The following ANK3 variants were observed in gnomAD, a reference collection of about 807,000 sequenced individuals.
The protein encoded by ANK3 is ankyrin-3.
In ANK3, 57 loss-of-function variants were observed where a neutral mutation model predicts 370.9. The observed-to-expected ratio is 0.15, with a 90% CI of 0.12 to 0.19. ANK3 has a LOEUF of 0.19. ANK3 is among the 10% of genes least tolerant of loss of function. The probability of loss-of-function intolerance (pLI) is 1.00; values close to 1 mark genes in which losing one functional copy is unlikely to be tolerated. For missense variants in ANK3, 4,439 were observed against 5,302.1 expected (o/e 0.84, Z 5.06); for synonymous variants, 1,929 against 1,946.3 (o/e 0.99, Z 0.23).
intron 1 of ANK3, among the ~76,000 whole-genome samples, chr10:60,711,426 T>C (rs565480525): frequency 4.0e-5 from 6 of 151,642 alleles, no homozygotes; most frequent in Non-Finnish European, 5.9e-5. Flanking sequence ...CTGTAACAGA[T>C]ATGAAGAATG....
At chr10:60,713,498 CA>C (rs1441704771) in intron 1 of ANK3, among the ~76,000 whole-genome samples, 1 of 151,912 alleles carries the variant, frequency 6.6e-6, no homozygotes, top group East Asian at 1.9e-4. Context: ...AGAAATATAT[CA>C]GAAAAAAGAC....
chr10:60,404,418 G>T (rs2063412745), intron 2 of ANK3, among the ~76,000 whole-genome samples: 1 of 152,074 alleles, frequency 6.6e-6, no homozygotes, highest in South Asian at 2.1e-4. Flanking sequence ...CAATGCAAGG[G>T]AAACAGACTT....
chr10:60,068,070 G>T, intron 37 of ANK3, 61 bp from the exon 38 acceptor site: 1 of 1,485,556 alleles, frequency 6.7e-7, no homozygotes, highest in South Asian at 1.2e-5. Flanking sequence ...CTGGAAAATT[G>T]CTTTTAGCAG....
chr10:60,724,756 T>C (rs1214134419), intron 1 of ANK3, among the ~76,000 whole-genome samples: 1 of 152,226 alleles, frequency 6.6e-6, no homozygotes, highest in Non-Finnish European at 1.5e-5. Context: ...CTTGAAACTT[T>C]AGAAAACCAA....
chr10:60,209,109 T>C (rs541216727), intron 9 of ANK3, among the ~76,000 whole-genome samples: 10 of 152,326 alleles, frequency 6.6e-5, no homozygotes, highest in South Asian at 4.1e-4. Flanking sequence ...TATGAAGATG[T>C]CAGTCCTTTC....
At chr10:60,045,977 C>T (rs1192143433) in intron 42 of ANK3, among the ~76,000 whole-genome samples, 5 of 150,908 alleles carry the variant, frequency 3.3e-5, no homozygotes, top group Admixed American at 1.3e-4. Flanking sequence ...GTGCATAGTT[C>T]ATGACAATGG....
intron 1 of ANK3, among the ~76,000 whole-genome samples, chr10:60,696,226 C>T (rs958472460): frequency 6.7e-5 from 10 of 150,146 alleles, no homozygotes; most frequent in African/African-American, 2.5e-4. Flanking sequence ...TCTGAATAGA[C>T]CAATAACGGG....
chr10:60,500,472 A>T (rs746832142), intron 2 of ANK3, among the ~76,000 whole-genome samples: 9 of 152,224 alleles, frequency 5.9e-5, no homozygotes, highest in African/African-American at 2.2e-4. Flanking sequence ...GCACAAAAAG[A>T]GGTGGGTGGA....
chr10:60,082,065 C>T, intron 35 of ANK3, 85 bp downstream of exon 35: 1 of 1,032,752 alleles, frequency 9.7e-7, no homozygotes, highest in Non-Finnish European at 1.4e-6. Flanking sequence ...ATGTTTCCCA[C>T]ACTTTAGCCC....
chr10:60,672,416 G>T (rs1307743781), intron 1 of ANK3, among the ~76,000 whole-genome samples: 1 of 152,152 alleles, frequency 6.6e-6, no homozygotes, highest in Non-Finnish European at 1.5e-5. Flanking sequence ...AGAGGCAATG[G>T]GCTGGAGATT....
intron 38 of ANK3, among the ~76,000 whole-genome samples, chr10:60,065,974 A>T (rs2081565093): frequency 6.6e-6 from 1 of 152,014 alleles, no homozygotes; most frequent in Admixed American, 6.5e-5. Context: ...CATTGTATGT[A>T]TAACATTATA....
chr10:60,670,638 G>A, intron 1 of ANK3, among the ~76,000 whole-genome samples: 1 of 152,054 alleles, frequency 6.6e-6, no homozygotes, highest in East Asian at 1.9e-4. Flanking sequence ...TTTAACCCCT[G>A]GAGTGGCTTC....
chr10:60,333,965 G>T (rs2052125269), intron 1 of ANK3, among the ~76,000 whole-genome samples: 1 of 152,056 alleles, frequency 6.6e-6, no homozygotes, highest in Non-Finnish European at 1.5e-5. Flanking sequence ...ACTTCCATCA[G>T]TTGTCCACTA....
intron 1 of ANK3, among the ~76,000 whole-genome samples, chr10:60,617,947 A>T (rs2078286511): frequency 6.6e-6 from 1 of 152,210 alleles, no homozygotes; most frequent in Admixed American, 6.5e-5. Context: ...TGATTAAAAG[A>T]GCAAAGCTTC....
At chr10:60,081,543 A>C (rs569657600) in intron 35 of ANK3, 1 of 439,934 alleles carries the variant, frequency 2.3e-6, no homozygotes, top group Non-Finnish European at 4.5e-6. Context: ...GGTCAAGATA[A>C]ATTTCTTTAG....
rs2077203372 is a variant in ANK3 at position 60,556,222 on chromosome 10, A to G, written c.96+58964T>C. Among the ~76,000 whole-genome samples, 5 of 152,220 alleles carry G rather than the reference A, an allele frequency of 3.3e-5. No individual in the cohort carries two copies. In the South Asian group the frequency reaches 1.0e-3, roughly 32 times the overall value. ...GCAGAACAGAAGGCATATATCTTAA[A>G]CCTCTGAATTACTTCTCTTGAGAAG... On this transcript the variant is annotated intron_variant, in intron 2 of 43. Transcript: ENST00000373827.
At chr10:60,475,930 G>A (rs974921344) in intron 2 of ANK3, among the ~76,000 whole-genome samples, 2 of 152,178 alleles carry the variant, frequency 1.3e-5, no homozygotes, top group South Asian at 4.1e-4. Flanking sequence ...TTAAAAGTAA[G>A]GGTTTATAAT....
chr10:60,602,419 A>T (rs1328118935), intron 2 of ANK3, among the ~76,000 whole-genome samples: 1 of 151,992 alleles, frequency 6.6e-6, no homozygotes, highest in Non-Finnish European at 1.5e-5. Flanking sequence ...CACATTTGAA[A>T]CTCACTTGTC....
At chr10:60,310,150 C>A (rs1034677868) in intron 1 of ANK3, among the ~76,000 whole-genome samples, 2 of 152,012 alleles carry the variant, frequency 1.3e-5, no homozygotes, top group Non-Finnish European at 2.9e-5. Flanking sequence ...GTCTCAAACT[C>A]CTGATCTCAA....
Sources: allele counts gnomAD v4.1 joint callset (sites outside exome capture counted in the v4.1 genomes callset), GRCh38; gene constraint gnomAD v4.1.1; transcripts MANE v1.5; gene names NCBI Gene and HGNC (gene_info 2026-07-23, HGNC 2026-07-21).